The following DNAJC1 variants were observed in gnomAD, a reference collection of about 807,000 sequenced individuals.
DNAJC1 encodes dnaJ homolog subfamily C member 1.
Under a neutral mutation model 76.6 loss-of-function variants are expected in DNAJC1, and 58 were observed. That is an observed-to-expected ratio of 0.76 (90% confidence interval 0.61 to 0.94). The LOEUF (loss-of-function observed/expected upper bound fraction) is 0.94. Among genes scored for constraint, DNAJC1 ranks in the 40% least tolerant of loss-of-function variants. DNAJC1 has a pLI of 0.00. For missense variants in DNAJC1, 689 were observed against 677.3 expected (o/e 1.02, Z -0.19); for synonymous variants, 258 against 267.9 (o/e 0.96, Z 0.36).
At chr10:21,768,642 A>C (rs943655385) in intron 9 of DNAJC1, among the ~76,000 whole-genome samples, 2 of 152,180 alleles carry the variant, frequency 1.3e-5, no homozygotes, top group African/African-American at 4.8e-5. Context: ...AGCTGCTTGG[A>C]AACACTTTTC....
chr10:21,816,444 A>C (rs1469162829), intron 8 of DNAJC1, among the ~76,000 whole-genome samples: 1 of 150,052 alleles, frequency 6.7e-6, no homozygotes. Flanking sequence ...GCAGTGGCTC[A>C]TGCCTGTGAT....
chr10:21,892,286 C>G (rs560898619), intron 7 of DNAJC1, among the ~76,000 whole-genome samples: 1 of 151,606 alleles, frequency 6.6e-6, no homozygotes, highest in African/African-American at 2.4e-5. Flanking sequence ...AATACAATAG[C>G]AGACTTAAGC....
chr10:21,834,397 C>T (rs945840438), intron 8 of DNAJC1, among the ~76,000 whole-genome samples: 9 of 152,230 alleles, frequency 5.9e-5, no homozygotes, highest in African/African-American at 9.6e-5. Context: ...GCGTGAGCAA[C>T]GCAGAAGATG....
intron 7 of DNAJC1, among the ~76,000 whole-genome samples, chr10:21,899,364 T>C (rs922324727): frequency 2.6e-5 from 4 of 152,222 alleles, no homozygotes; most frequent in East Asian, 1.9e-4. Flanking sequence ...CCCACTTCTA[T>C]GGCACCTCAC....
chr10:21,841,017 T>C (rs1182283723), intron 8 of DNAJC1, among the ~76,000 whole-genome samples: 4 of 152,194 alleles, frequency 2.6e-5, no homozygotes, highest in Admixed American at 6.5e-5. Context: ...ACTCCCTATT[T>C]AACAAATGGT....
intron 1 of DNAJC1, among the ~76,000 whole-genome samples, chr10:21,996,039 T>C (rs1838410999): frequency 1.3e-5 from 2 of 152,206 alleles, no homozygotes. Context: ...TCTTTTACAA[T>C]TAAGTGTTTT....
Position 21,920,881 on chromosome 10 carries a change from C to A in DNAJC1, c.454G>T (p.Ala152Ser), listed in dbSNP as rs898609361. ...ATGAACAAGAGTAATGCCAGCTCAG[C>A]ATTGCTCATTTTTCTCACCCGCCTG... ...YYRRVRKMSN[A>S]ELALLLFIIL... The change falls in exon 4 of 12, where the codon GCT (alanine) becomes TCT (serine). Residue 152 changes from alanine (A) to serine (S), a missense_variant. By Grantham distance (99) the Ala-to-Ser change is moderately conservative. Coordinates refer to ENST00000376980, the MANE Select transcript of DNAJC1 (RefSeq NM_022365.4). 6.2e-7 allele frequency: 1 copy of A among 1,613,104 alleles called. No homozygotes were observed. The highest frequency in any genetic ancestry group is 8.5e-7 in the Non-Finnish European group (1 of 1,179,338).
chr10:21,998,568 TCCC>T (rs1373235466), intron 1 of DNAJC1, among the ~76,000 whole-genome samples: 1 of 151,706 alleles, frequency 6.6e-6, no homozygotes, highest in South Asian at 2.1e-4. Context: ...TCTCTCATCT[TCCC>T]CCCATCTCCT....
At chr10:21,790,365 C>A (rs990170320) in intron 9 of DNAJC1, among the ~76,000 whole-genome samples, 1 of 151,902 alleles carries the variant, frequency 6.6e-6, no homozygotes, top group African/African-American at 2.4e-5. Flanking sequence ...ACATTATGAT[C>A]AAATTTTCAA....
chr10:21,835,002 G>C (rs1469413388), intron 8 of DNAJC1, among the ~76,000 whole-genome samples: 1 of 152,218 alleles, frequency 6.6e-6, no homozygotes, highest in Non-Finnish European at 1.5e-5. Flanking sequence ...CACGCAGCTT[G>C]AGATCTGAGA....
At position 21,849,856 on chromosome 10, in the gene DNAJC1, GA is replaced by G. The variant is rs200216296; in HGVS notation, c.978+32425del. 6.0e-5 allele frequency among the ~76,000 whole-genome samples: 9 copies of G among 149,406 alleles called. No homozygotes were observed. In the East Asian group the frequency reaches 7.8e-4, roughly 13 times the overall value. ...ATACATCACATTAATAGATAAAAGGGAAAAAAAAACCACACATGATCATCTC... is the reference window on the plus strand; with the variant it reads ...ATACATCACATTAATAGATAAAAGGGAAAAAAAACCACACATGATCATCTC... On this transcript the variant is annotated intron_variant, in intron 8 of 11. Coordinates refer to ENST00000376980, the MANE Select transcript of DNAJC1 (RefSeq NM_022365.4).
chr10:21,972,012 C>T lies in DNAJC1; in HGVS notation c.222+31201G>A, dbSNP rs555404140. On this transcript the variant is annotated intron_variant, in intron 1 of 11. Transcript: ENST00000376980. ...ATCCTCTTTATTTTGTATATATCTG[C>T]ATAAAATTAAAAACTACATTCTACT... Among the ~76,000 whole-genome samples the T allele has an allele frequency of 2.0e-5, 3 of 151,970 alleles. No individual in the cohort carries two copies. In the East Asian group the frequency reaches 5.8e-4, roughly 29 times the overall value.
intron 8 of DNAJC1, among the ~76,000 whole-genome samples, chr10:21,853,787 CAAAAAAAAAAA>C (rs1011936425): frequency 9.5e-4 from 12 of 12,602 alleles, no homozygotes; most frequent in South Asian, 3.8e-3. Flanking sequence ...GACTCCATCT[CAAAAAAAAAAA>C]AAAAAAAAAA....
intron 7 of DNAJC1, among the ~76,000 whole-genome samples, chr10:21,889,793 T>C (rs1256863362): frequency 1.3e-5 from 2 of 152,176 alleles, no homozygotes; most frequent in Non-Finnish European, 1.5e-5. Context: ...AGAGACAGCA[T>C]AGGCATTTAT....
chr10:21,914,818 T>C (rs1370660692), intron 6 of DNAJC1, among the ~76,000 whole-genome samples: 1 of 152,240 alleles, frequency 6.6e-6, no homozygotes, highest in Admixed American at 6.5e-5. Context: ...CACTTAACTG[T>C]TAAGTGTCTA....
At chr10:21,888,542 A>G (rs1836405618) in intron 7 of DNAJC1, among the ~76,000 whole-genome samples, 1 of 152,200 alleles carries the variant, frequency 6.6e-6, no homozygotes, top group Non-Finnish European at 1.5e-5. Context: ...ACATCATGGG[A>G]TACTATGCAG....
intron 1 of DNAJC1, among the ~76,000 whole-genome samples, chr10:21,971,550 G>C (rs1290673842): frequency 6.6e-6 from 1 of 151,574 alleles, no homozygotes; most frequent in Non-Finnish European, 1.5e-5. Context: ...TGAAAAACAG[G>C]GACAATTTTT....
At chr10:21,855,383 T>G (rs1835818600) in intron 8 of DNAJC1, among the ~76,000 whole-genome samples, 10 of 152,210 alleles carry the variant, frequency 6.6e-5, no homozygotes, top group Admixed American at 6.5e-4. Flanking sequence ...CTTTTTATCT[T>G]GATACTTTAC....
At chr10:21,911,687 T>A (rs376997861) in intron 6 of DNAJC1, among the ~76,000 whole-genome samples, 1 of 152,216 alleles carries the variant, frequency 6.6e-6, no homozygotes. Context: ...CTACAACTTA[T>A]GTCCTACAGA....
Sources: allele counts gnomAD v4.1 joint callset (sites outside exome capture counted in the v4.1 genomes callset), GRCh38; gene constraint gnomAD v4.1.1; transcripts MANE v1.5; gene names NCBI Gene and HGNC (gene_info 2026-07-23, HGNC 2026-07-21).